Variants in IGFN1 observed in about 807,000 individuals in gnomAD.
IGFN1 encodes the protein immunoglobulin like and fibronectin type III domain containing 1, also known as immunoglobulin-like and fibronectin type III domain-containing protein 1.
IGFN1 carries 253 observed loss-of-function variants against 289.5 expected under a neutral mutation model. The observed-to-expected ratio is 0.87, with a 90% CI of 0.79 to 0.97. IGFN1 has a LOEUF of 0.97. IGFN1 is among the 50% of genes least tolerant of loss of function. IGFN1 has a pLI of 0.00. For missense variants in IGFN1, 4,470 were observed against 4,686.1 expected (o/e 0.95, Z 1.35); for synonymous variants, 1,706 against 1,788.5 (o/e 0.95, Z 1.16).
At chr1:201,193,202 A>G in intron 1 of IGFN1, 45 bp from the exon 2 acceptor site, 1 of 953,482 alleles carries the variant, frequency 1.0e-6, no homozygotes, top group Non-Finnish European at 1.7e-6. Flanking sequence ...GGGTGGGGTG[A>G]GACCAGCCTG....
Position 201,226,121 on chromosome 1 carries a change from G to T in IGFN1, c.10784G>T (p.Arg3595Leu). ...CAGCCCTGGTGCATCCCCCGGCAGC[G>T]CGGTAAGCAGCCCCTGAGAGGGAGG... Reference protein sequence around the residue: ...TSQPWCIPRQRDRFTVKAPCY... With the variant: ...TSQPWCIPRQLDRFTVKAPCY... The change falls in exon 22 of 24, where the codon CGC becomes CTC. Residue 3595 changes from arginine to leucine, a missense_variant and splice_region_variant. Arg to Leu is a moderately radical substitution (Grantham distance 102, BLOSUM62 -2). Coordinates refer to ENST00000335211, the MANE Select transcript of IGFN1 (RefSeq NM_001164586.2). 6.3e-7 allele frequency: 1 copy of T among 1,586,378 alleles called. No homozygotes were observed. Among genetic ancestry groups the T allele is most frequent in the Non-Finnish European group, 8.6e-7 (1 of 1,165,130 alleles).
At chr1:201,216,014 T>C in intron 15 of IGFN1, 176 bp downstream of exon 15, 1 of 755,446 alleles carries the variant, frequency 1.3e-6, no homozygotes, top group Non-Finnish European at 2.4e-6. Flanking sequence ...AAGAAGCAGT[T>C]GAGATGAACA....
chr1:201,206,678 A>G lies in IGFN1; in HGVS notation c.1785A>G (p.Gln595=). 1 of 1,537,136 alleles carries G rather than the reference A, an allele frequency of 6.5e-7. No individual in the cohort carries two copies. Among genetic ancestry groups the G allele is most frequent in the Admixed American group, 2.0e-5 (1 of 51,002 alleles). ...AACTGGACAGGCATGCCCCAGAGCA[A>G]CTGTGGGATGCTCGACTGGGACCTG... ...GRQLDRHAPE[Q]LWDARLGPGR... The change falls in exon 12 of 24, where the codon CAA becomes CAG. Residue 595 remains glutamine (Q), a synonymous_variant. Coordinates refer to ENST00000335211, the MANE Select transcript of IGFN1 (RefSeq NM_001164586.2).
chr1:201,208,378 TG>T lies in IGFN1; in HGVS notation c.3488del (p.Gly1163ValfsTer148). On this transcript the variant is annotated frameshift_variant, in exon 12 of 24. Coordinates refer to ENST00000335211, the MANE Select transcript of IGFN1 (RefSeq NM_001164586.2). LOFTEE classifies it high-confidence loss of function. ...GGGTCTCTGAGGGCAGGAAGCAAAG[TG>T]GGTGAGGGGGATGGGACAAGATGCC... ...GPGSLRAGSK[V>X]GEGDGTRCPG... is the part of the protein sequence containing the mutation. 2 of 1,457,358 alleles carry T rather than the reference TG, an allele frequency of 1.4e-6. No individual in the cohort carries two copies. The highest frequency in any genetic ancestry group is 1.8e-6 in the Non-Finnish European group (2 of 1,114,318). The allele number at this position is 1,457,358 out of a possible 1,614,324, so 90.3% of individuals were successfully genotyped here. A position where few individuals can be genotyped will look rare whatever the true frequency, so the allele number is the denominator to read the frequency against.
At chr1:201,192,038 C>G (rs1217776546) in intron 1 of IGFN1, among the ~76,000 whole-genome samples, 1 of 152,214 alleles carries the variant, frequency 6.6e-6, no homozygotes, top group Non-Finnish European at 1.5e-5. Context: ...CCAGCTGGGT[C>G]CTCATCCGTT....
rs1667827686 is a variant in IGFN1, at chr1:201,211,855, G to T, written c.6962G>T (p.Gly2321Val). The change falls in exon 12 of 24, where the codon GGT becomes GTT. Residue 2321 changes from glycine (G) to valine (V), a missense_variant. Gly to Val is a moderately radical substitution (Grantham distance 109, BLOSUM62 -3). Transcript: ENST00000335211. ...TACATTTTGTCATGGAATGAGGCAG[G>T]TTCTAGGCAAGGCTTTGGGGGAACT... Reference protein sequence around the residue: ...SGYILSWNEAGSRQGFGGTSG... With the variant: ...SGYILSWNEAVSRQGFGGTSG... 1 of 1,535,646 alleles carries T rather than the reference G, an allele frequency of 6.5e-7. No individual in the cohort carries two copies.
chr1:201,203,815 C>T lies in IGFN1; in HGVS notation c.825C>T (p.Phe275=). ...CLRRLGKRYE[F]QIQDLRPEDS... ...GCCGGCTGGGGAAGCGCTATGAGTT[C>T]CAGATTCAAGACCTGAGGCCTGAGG... Residue 275 remains phenylalanine, a synonymous_variant, in exon 10 of 24, where the codon TTC becomes TTT. Coordinates refer to ENST00000335211, the MANE Select transcript of IGFN1 (RefSeq NM_001164586.2). The T allele has an allele frequency of 6.4e-7, 1 of 1,551,700 alleles. No individual in the cohort carries two copies. The highest frequency in any genetic ancestry group is 8.7e-7 in the Non-Finnish European group (1 of 1,147,008).
chr1:201,202,214 G>T (rs1161154034), intron 9 of IGFN1, among the ~76,000 whole-genome samples: 1 of 152,176 alleles, frequency 6.6e-6, no homozygotes, highest in African/African-American at 2.4e-5. Context: ...CCAACCAGAT[G>T]GGGGCAGAGG....
chr1:201,215,181 C>T (rs1258235939), intron 14 of IGFN1, 27 bp downstream of exon 14: 7 of 1,595,386 alleles, frequency 4.4e-6, no homozygotes, highest in Non-Finnish European at 5.1e-6. Context: ...CCCTGCCCTG[C>T]CCTGTCCTGT....
chr1:201,205,904 C>G (rs1166021516), intron 11 of IGFN1, among the ~76,000 whole-genome samples, 179 bp from the exon 12 acceptor site: 2 of 152,208 alleles, frequency 1.3e-5, no homozygotes, highest in Non-Finnish European at 2.9e-5. Flanking sequence ...CCATCCATCC[C>G]TGGAACACCC....
At chr1:201,214,153 G>T in intron 12 of IGFN1, 24 bp from the exon 13 acceptor site, 1 of 1,596,522 alleles carries the variant, frequency 6.3e-7, no homozygotes, top group South Asian at 1.1e-5. Context: ...CTCGGCCCTG[G>T]GGATTCCCTC....
rs1267692734 is a variant in IGFN1, at chr1:201,209,399, T to G, written c.4506T>G (p.Ser1502=). 4 of 1,519,270 alleles carry G rather than the reference T, an allele frequency of 2.6e-6. No individual in the cohort carries two copies. The highest frequency in any genetic ancestry group is 2.8e-5 in the African/African-American group (2 of 70,940). The allele number at this position is 1,519,270 out of a possible 1,614,324, so 94.1% of individuals were successfully genotyped here. ...GCTATAGGAAAGATTTGGGGGTTTCTGAGGGAGGGGGTTCAGGGAGCAAAG... is the reference window on the plus strand; with the variant it reads ...GCTATAGGAAAGATTTGGGGGTTTCGGAGGGAGGGGGTTCAGGGAGCAAAG... ...EAGYRKDLGV[S]EGGGSGSKAG... The change falls in exon 12 of 24, where the codon TCT becomes TCG. Residue 1502 remains serine (S), a synonymous_variant. Coordinates refer to ENST00000335211, the MANE Select transcript of IGFN1 (RefSeq NM_001164586.2).
In IGFN1 at chr1:201,227,172, G is replaced by T; in HGVS notation, c.11077G>T (p.Gly3693Cys). The change falls in exon 23 of 24, where the codon GGC becomes TGC. Residue 3693 changes from glycine (G) to cysteine (C), a missense_variant. By Grantham distance (159) the Gly-to-Cys change is radical. Transcript: ENST00000335211. ...CAAGGCTGTGGCTGAGAACACGCTG[G>T]GCCAGGCAGTCAGCACTGCCACCCT... is the stretch of plus-strand genomic sequence containing the variant. ...EYKAVAENTL[G>C]QAVSTATLIV... 1 of 1,609,064 alleles carries T rather than the reference G, an allele frequency of 6.2e-7. No individual in the cohort carries two copies.
chr1:201,201,579 C>G (rs1667161038), intron 8 of IGFN1, 140 bp from the exon 9 acceptor site: 1 of 570,900 alleles, frequency 1.8e-6, no homozygotes, highest in Non-Finnish European at 3.1e-6. Context: ...GGCTTACTTT[C>G]CCCCACTTGT....
Position 201,208,426 on chromosome 1 carries a change from C to G in IGFN1, c.3533C>G (p.Ala1178Gly), listed in dbSNP as rs982644002. ...TRCPGAKASGAGAGYRDDTRH... is the reference protein window; with the variant it reads ...TRCPGAKASGGGAGYRDDTRH... ...TGCCCTGGTGCTAAGGCCTCTGGAG[C>G]TGGAGCTGGTTATAGGGATGATACC... Residue 1178 changes from alanine (A) to glycine (G), a missense_variant, in exon 12 of 24, where the codon GCT becomes GGT. Transcript: ENST00000335211. 51 of 1,446,882 alleles carry G rather than the reference C, an allele frequency of 3.5e-5. No homozygotes were observed. Among genetic ancestry groups the G allele is most frequent in the African/African-American group, 4.3e-5 (3 of 69,874 alleles). 89.6% of individuals were successfully genotyped at this position (1,446,882 alleles called of 1,614,324 possible).
chr1:201,201,669 G>T (rs910858912), intron 8 of IGFN1, 50 bp from the exon 9 acceptor site: 4 of 1,013,336 alleles, frequency 3.9e-6, no homozygotes, highest in African/African-American at 3.2e-5. Flanking sequence ...AGAGTACCCC[G>T]AAGAGAGAGC....
At chr1:201,217,924 C>A (rs1288642200) in intron 17 of IGFN1, among the ~76,000 whole-genome samples, 1 of 152,186 alleles carries the variant, frequency 6.6e-6, no homozygotes, top group Non-Finnish European at 1.5e-5. Flanking sequence ...GAGGAGGATC[C>A]CCTGCCCCAC....
At chr1:201,224,612 A>C in intron 20 of IGFN1, 67 bp from the exon 21 acceptor site, 1 of 1,396,194 alleles carries the variant, frequency 7.2e-7, no homozygotes, top group Non-Finnish European at 1.0e-6. Context: ...GGCCTAGCTT[A>C]AATGCCATCA....
intron 17 of IGFN1, among the ~76,000 whole-genome samples, chr1:201,218,287 A>C (rs1415332347): frequency 6.6e-6 from 1 of 152,260 alleles, no homozygotes; most frequent in Non-Finnish European, 1.5e-5. Context: ...AGGGAGATTA[A>C]GGTACTTGCC....
Sources: gnomAD v4.1 joint callset for allele counts (sites outside exome capture counted in the v4.1 genomes callset) on GRCh38, gnomAD v4.1.1 for gene constraint, MANE v1.5 for transcripts, NCBI Gene and HGNC (gene_info 2026-07-23, HGNC 2026-07-21) for gene names.